ANGPT1: variants seen among roughly 807,000 people sequenced by gnomAD.
ANGPT1 encodes the protein angiopoietin-1.
A neutral mutation model predicts 62.2 loss-of-function variants in ANGPT1; 17 were observed. The ratio of observed to expected loss-of-function variants is 0.27; its 90% CI spans 0.19 to 0.41. The LOEUF (loss-of-function observed/expected upper bound fraction) is 0.41, where lower values mean the gene tolerates loss of function less well. Among genes scored for constraint, ANGPT1 ranks in the 10% least tolerant of loss-of-function variants. The pLI, the probability that ANGPT1 is intolerant of heterozygous loss-of-function variation, is 1.00. For synonymous variants in ANGPT1, 199 were observed against 198.9 expected (o/e 1.00, Z 0.00); for missense variants, 478 against 594.9 (o/e 0.80, Z 2.04).
chr8:107,361,523 GTATATAT>G (rs1816163485), intron 1 of ANGPT1, among the ~76,000 whole-genome samples: 1 of 26,698 alleles, frequency 3.7e-5, no homozygotes, highest in Non-Finnish European at 8.9e-5. Context: ...TAGAATATAT[GTATATAT>G]TATATATCAA....
At position 107,426,113 on chromosome 8, in the gene ANGPT1, A is replaced by G. The variant is rs541218887; in HGVS notation, c.297+71149T>C. ...TGCTTTACAAACATGCTTACACAGA[A>G]TTGCTTCCCAGTTGCAAACTGGCTT... On this transcript the variant is annotated intron_variant, in intron 1 of 8. Coordinates refer to ENST00000517746, the MANE Select transcript of ANGPT1 (RefSeq NM_001146.5). Among the ~76,000 whole-genome samples the G allele has an allele frequency of 4.6e-5, 7 of 152,264 alleles. No homozygotes were observed. In the South Asian group the frequency reaches 1.5e-3, roughly 32 times the overall value.
intron 2 of ANGPT1, among the ~76,000 whole-genome samples, chr8:107,338,385 A>G (rs918250972): frequency 2.6e-5 from 4 of 152,242 alleles, no homozygotes; most frequent in South Asian, 2.1e-4. Context: ...GATTCTGCAC[A>G]TGTATGATTT....
At chr8:107,362,064 T>C (rs909604217) in intron 1 of ANGPT1, among the ~76,000 whole-genome samples, 17 of 152,060 alleles carry the variant, frequency 1.1e-4, no homozygotes, top group African/African-American at 4.1e-4. Flanking sequence ...TCAAAATAAA[T>C]AAATAAATAT....
chr8:107,380,471 A>G (rs1323539727), intron 1 of ANGPT1, among the ~76,000 whole-genome samples: 3 of 152,060 alleles, frequency 2.0e-5, no homozygotes, highest in Non-Finnish European at 4.4e-5. Context: ...CATACACATT[A>G]GAAGCTAGAT....
intron 5 of ANGPT1, among the ~76,000 whole-genome samples, chr8:107,296,738 C>A (rs966361720): frequency 5.9e-5 from 9 of 152,006 alleles, no homozygotes; most frequent in African/African-American, 2.2e-4. Flanking sequence ...ACTTGTTAAT[C>A]CAGAATGAAT....
At chr8:107,345,610 G>T (rs1563578992) in intron 2 of ANGPT1, among the ~76,000 whole-genome samples, 1 of 152,112 alleles carries the variant, frequency 6.6e-6, no homozygotes, top group Non-Finnish European at 1.5e-5. Context: ...TTTTGAACAT[G>T]TGAGAGTATT....
intron 1 of ANGPT1, among the ~76,000 whole-genome samples, chr8:107,455,642 A>C (rs2130464466): frequency 6.6e-6 from 1 of 152,194 alleles, no homozygotes; most frequent in Non-Finnish European, 1.5e-5. Flanking sequence ...TATTAACAAA[A>C]AAATAGATAT....
Position 107,284,851 on chromosome 8 carries a change from G to T in ANGPT1, c.1039-3C>A. 6.3e-7 allele frequency: 1 copy of T among 1,592,286 alleles called. No individual in the cohort carries two copies. On this transcript the variant is annotated splice_region_variant and splice_polypyrimidine_tract_variant and intron_variant, in intron 6 of 8. Coordinates refer to ENST00000517746, the MANE Select transcript of ANGPT1 (RefSeq NM_001146.5). ...TCACCGGAGGGATTTCCAAAACCCT[G>T]GGAAACAATATAGAGATGCAGTTGT... is the stretch of plus-strand genomic sequence containing the variant.
chr8:107,257,016 C>G (rs1813374349), intron 8 of ANGPT1, among the ~76,000 whole-genome samples: 1 of 152,042 alleles, frequency 6.6e-6, no homozygotes, highest in South Asian at 2.1e-4. Context: ...GCTACCACGC[C>G]TGGCTAATTT....
At chr8:107,363,929 A>G (rs1244857956) in intron 1 of ANGPT1, among the ~76,000 whole-genome samples, 1 of 152,202 alleles carries the variant, frequency 6.6e-6, no homozygotes, top group Admixed American at 6.5e-5. Context: ...TATTTCATTA[A>G]CTGTAGCTAT....
chr8:107,471,598 C>A (rs931065574), intron 1 of ANGPT1, among the ~76,000 whole-genome samples: 2 of 151,938 alleles, frequency 1.3e-5, no homozygotes, highest in Non-Finnish European at 2.9e-5. Context: ...GTCCTGTCAC[C>A]CATAAACATT....
At chr8:107,351,848 C>G (rs1173240408) in intron 1 of ANGPT1, among the ~76,000 whole-genome samples, 1 of 152,038 alleles carries the variant, frequency 6.6e-6, no homozygotes, top group Admixed American at 6.6e-5. Flanking sequence ...TAAAATACAA[C>G]AAAGGGAATA....
chr8:107,396,387 T>C (rs1216881383), intron 1 of ANGPT1, among the ~76,000 whole-genome samples: 1 of 152,110 alleles, frequency 6.6e-6, no homozygotes, highest in Non-Finnish European at 1.5e-5. Context: ...ATCACAAAAT[T>C]ATTATAATAG....
intron 4 of ANGPT1, among the ~76,000 whole-genome samples, chr8:107,317,725 G>A (rs1336115008): frequency 6.6e-6 from 1 of 151,762 alleles, no homozygotes; most frequent in Admixed American, 6.6e-5. Context: ...TCGCCTCCTG[G>A]GTTCAAGCAA....
chr8:107,497,194 T>C, intron 1 of ANGPT1, 68 bp downstream of exon 1: 1 of 1,533,884 alleles, frequency 6.5e-7, no homozygotes, highest in Non-Finnish European at 8.9e-7. Flanking sequence ...CCTAAGGAAC[T>C]TTAAGTTAGC....
chr8:107,413,445 G>A (rs1810645452), intron 1 of ANGPT1, among the ~76,000 whole-genome samples: 2 of 152,000 alleles, frequency 1.3e-5, no homozygotes, highest in African/African-American at 4.8e-5. Flanking sequence ...TGTTGGGACT[G>A]TAGTGAAGTG....
chr8:107,426,135 G>A (rs564319450), intron 1 of ANGPT1, among the ~76,000 whole-genome samples: 1 of 152,244 alleles, frequency 6.6e-6, no homozygotes, highest in East Asian at 1.9e-4. Flanking sequence ...TTGCAAACTG[G>A]CTTCCCCTCC....
chr8:107,410,759 C>T (rs1817252162), intron 1 of ANGPT1, among the ~76,000 whole-genome samples: 2 of 152,250 alleles, frequency 1.3e-5, no homozygotes, highest in Admixed American at 1.3e-4. Context: ...AATATATGGT[C>T]AGCATAAAAT....
chr8:107,329,751 T>C (rs2130094895), intron 3 of ANGPT1, among the ~76,000 whole-genome samples: 1 of 152,118 alleles, frequency 6.6e-6, no homozygotes, highest in South Asian at 2.1e-4. Flanking sequence ...CCCAGTTCCT[T>C]ATTCATTTAG....
Sources: gnomAD v4.1 joint callset for allele counts (sites outside exome capture counted in the v4.1 genomes callset) on GRCh38, gnomAD v4.1.1 for gene constraint, MANE v1.5 for transcripts, NCBI Gene and HGNC (gene_info 2026-07-23, HGNC 2026-07-21) for gene names.